The following PALM2AKAP2 variants were observed in gnomAD, a reference collection of about 807,000 sequenced individuals.
PALM2AKAP2 encodes the protein PALM2 and AKAP2 fusion, also known as PALM2-AKAP2 fusion protein.
A neutral mutation model predicts 71.5 loss-of-function variants in PALM2AKAP2; 37 were observed. That is an observed-to-expected ratio of 0.52 (90% confidence interval 0.40 to 0.68). The LOEUF (loss-of-function observed/expected upper bound fraction) is 0.68, where lower values mean the gene tolerates loss of function less well. PALM2AKAP2 is among the 30% of genes least tolerant of loss of function. The pLI is 0.00. For synonymous variants in PALM2AKAP2, 468 were observed against 478.8 expected (o/e 0.98, Z 0.29); for missense variants, 1,224 against 1,191.8 (o/e 1.03, Z -0.40).
At chr9:109,701,325 A>T (rs907672214) in intron 1 of PALM2AKAP2, among the ~76,000 whole-genome samples, 11 of 152,202 alleles carry the variant, frequency 7.2e-5, no homozygotes, top group Non-Finnish European at 1.3e-4. Context: ...GAGGCATCAC[A>T]CTACCTGACT....
intron 1 of PALM2AKAP2, among the ~76,000 whole-genome samples, chr9:109,774,113 T>C (rs1276173389): frequency 6.6e-6 from 1 of 152,180 alleles, no homozygotes; most frequent in East Asian, 1.9e-4. Flanking sequence ...ACGGCATTAT[T>C]GAAACATGGT....
intron 6 of PALM2AKAP2, among the ~76,000 whole-genome samples, chr9:109,974,532 A>G (rs1832134067): frequency 6.6e-6 from 1 of 152,122 alleles, no homozygotes; most frequent in African/African-American, 2.4e-5. Context: ...CTGATTTTGA[A>G]TCGGCAGAGT....
intron 1 of PALM2AKAP2, among the ~76,000 whole-genome samples, chr9:109,665,638 G>A (rs917189117): frequency 6.6e-6 from 1 of 152,200 alleles, no homozygotes; most frequent in Non-Finnish European, 1.5e-5. Flanking sequence ...GTTAGGCTAC[G>A]TGGCGGTCAG....
rs180906774 is a variant in PALM2AKAP2 at position 110,000,518 on chromosome 9, G to A, written c.497-15436G>A. On this transcript the variant is annotated intron_variant, in intron 6 of 9. Coordinates refer to the PALM2AKAP2 transcript ENST00000302798. The stretch of plus-strand genomic sequence containing the variant: ...AGCAGCATGATTTCTAATCCTTTGG[G>A]TACATACCCAATAATGGGATGGCTG... 1.4e-3 allele frequency among the ~76,000 whole-genome samples: 216 copies of A among 152,202 alleles called. 1 individual carries two copies. The highest frequency in any genetic ancestry group is 4.6e-3 in the African/African-American group (191 of 41,526).
At chr9:110,141,271 C>T (rs1219318972) in intron 2 of PALM2AKAP2, among the ~76,000 whole-genome samples, 1 of 152,086 alleles carries the variant, frequency 6.6e-6, no homozygotes, top group African/African-American at 2.4e-5. Flanking sequence ...CTGATCTCTT[C>T]TCCCATATCC....
At chr9:109,826,314 T>C (rs1429350002) in intron 1 of PALM2AKAP2, among the ~76,000 whole-genome samples, 1 of 152,018 alleles carries the variant, frequency 6.6e-6, no homozygotes, top group African/African-American at 2.4e-5. Context: ...TGTATACATA[T>C]GTAACAAACC....
chr9:109,960,843 G>A (rs1831840449), intron 6 of PALM2AKAP2, among the ~76,000 whole-genome samples: 1 of 152,214 alleles, frequency 6.6e-6, no homozygotes, highest in Non-Finnish European at 1.5e-5. Context: ...AAGTTTAGCA[G>A]CAGAATCATA....
intron 1 of PALM2AKAP2, among the ~76,000 whole-genome samples, chr9:110,098,731 A>G (rs921612440): frequency 1.3e-5 from 2 of 152,240 alleles, no homozygotes; most frequent in Non-Finnish European, 2.9e-5. Context: ...CTGTCCTGGT[A>G]TAGAACCAAA....
At chr9:110,165,656 C>A (rs925541761) in intron 3 of PALM2AKAP2, among the ~76,000 whole-genome samples, 1 of 152,168 alleles carries the variant, frequency 6.6e-6, no homozygotes, top group African/African-American at 2.4e-5. Context: ...ATTACTGGGG[C>A]TCTTGACAAG....
rs1442233087 is a variant in PALM2AKAP2 at position 109,924,543 on chromosome 9, T to C, written c.373-518T>C. On this transcript the variant is annotated intron_variant, in intron 4 of 9. Transcript: ENST00000302798. ...TAAACCTGGGAGGCGGAGCTTGCAG[T>C]GAGCTGAGATTACGCCACTGCACTC... Among the ~76,000 whole-genome samples the C allele has an allele frequency of 3.9e-5, 6 of 152,078 alleles. No homozygotes were observed. In the South Asian group the frequency reaches 6.2e-4, roughly 16 times the overall value.
At chr9:110,080,741 C>T (rs191376705) in intron 1 of PALM2AKAP2, among the ~76,000 whole-genome samples, 13 of 152,244 alleles carry the variant, frequency 8.5e-5, no homozygotes, top group East Asian at 3.9e-4. Context: ...TGCAGTGGTG[C>T]GATCTTGGCT....
At chr9:109,780,366 G>A, upstream of PALM2AKAP2, 2 of 1,585,262 alleles carry the variant, frequency 1.3e-6, no homozygotes, top group South Asian at 1.1e-5. Flanking sequence ...CGGATCCCCA[G>A]CCGTCCCTGG....
At chr9:109,904,534 C>T (rs940635910) in intron 3 of PALM2AKAP2, among the ~76,000 whole-genome samples, 2 of 152,190 alleles carry the variant, frequency 1.3e-5, no homozygotes, top group African/African-American at 4.8e-5. Flanking sequence ...GATGCCTGTA[C>T]TATTTCTAAA....
intron 1 of PALM2AKAP2, among the ~76,000 whole-genome samples, chr9:109,856,631 T>C (rs1161580553): frequency 6.6e-6 from 1 of 152,220 alleles, no homozygotes; most frequent in Non-Finnish European, 1.5e-5. Context: ...TTTTCTACCC[T>C]GCATGTTTAT....
intron 7 of PALM2AKAP2, among the ~76,000 whole-genome samples, chr9:110,022,889 C>T (rs946844315): frequency 1.1e-4 from 16 of 152,280 alleles, no homozygotes; most frequent in Non-Finnish European, 1.5e-4. Context: ...TCATCCATGT[C>T]CCTACAAAGG....
chr9:109,737,390 A>T lies in PALM2AKAP2; in HGVS notation c.6-43098A>T, dbSNP rs190461020. 3.9e-5 allele frequency among the ~76,000 whole-genome samples: 6 copies of T among 152,310 alleles called. No individual in the cohort carries two copies. The East Asian group carries it at 1.2e-3, about 29-fold the overall frequency. On this transcript the variant is annotated intron_variant, in intron 1 of 6. Transcript: ENST00000374531. ...TGGGAGGTGACTAACAAACTCACTG[A>T]CTCCATGGCCATGTGGCCAAGGGTG...
rs369712818 is a variant in PALM2AKAP2, at chr9:109,913,944, G to A, written c.258-9791G>A. Among the ~76,000 whole-genome samples the A allele has an allele frequency of 1.7e-4, 26 of 152,140 alleles. No homozygotes were observed. The East Asian group carries it at 3.5e-3, about 20-fold the overall frequency. On this transcript the variant is annotated intron_variant, in intron 3 of 9. Coordinates refer to the PALM2AKAP2 transcript ENST00000302798. ...GCTAATTTTTTGTATTTTTAGTAGAGATGGGGTTTCACCATGTTAGCCAGG... is the reference window on the plus strand; with the variant it reads ...GCTAATTTTTTGTATTTTTAGTAGAAATGGGGTTTCACCATGTTAGCCAGG...
intron 2 of PALM2AKAP2, among the ~76,000 whole-genome samples, chr9:110,139,763 C>T (rs184053777): frequency 1.5e-3 from 226 of 152,324 alleles, no homozygotes; most frequent in Non-Finnish European, 2.7e-3. Context: ...AAATGTCTTT[C>T]TGTTTTGAAT....
chr9:109,735,226 T>C (rs76421110), intron 1 of PALM2AKAP2, among the ~76,000 whole-genome samples: 6,308 of 149,566 alleles, frequency 0.042, 182 homozygotes, highest in Non-Finnish European at 0.053. Context: ...TTCCTGAAGC[T>C]CCTTTGTAGC....
Sources: allele counts gnomAD v4.1 joint callset (sites outside exome capture counted in the v4.1 genomes callset), GRCh38; gene constraint gnomAD v4.1.1; transcripts MANE v1.5; gene names NCBI Gene and HGNC (gene_info 2026-07-23, HGNC 2026-07-21).